The following PLEKHA5 variants were observed in gnomAD, a reference collection of about 807,000 sequenced individuals.
PLEKHA5 encodes pleckstrin homology domain containing A5.
A neutral mutation model predicts 181.9 loss-of-function variants in PLEKHA5; 55 were observed. The observed-to-expected ratio is 0.30, with a 90% CI of 0.24 to 0.38. The LOEUF (loss-of-function observed/expected upper bound fraction) is 0.38, where lower values mean the gene tolerates loss of function less well. Among genes scored for constraint, PLEKHA5 ranks in the 10% least tolerant of loss-of-function variants. The probability of loss-of-function intolerance (pLI) is 1.00; values close to 1 mark genes in which losing one functional copy is unlikely to be tolerated. For missense variants in PLEKHA5, 1,432 were observed against 1,549.5 expected, an observed-to-expected ratio of 0.92 and a Z score of 1.27; for synonymous variants, 535 against 529.4, an observed-to-expected ratio of 1.01 and a Z score of -0.15.
chr12:19,180,993 C>G (rs1245766203), intron 3 of PLEKHA5, among the ~76,000 whole-genome samples: 1 of 147,706 alleles, frequency 6.8e-6, no homozygotes, highest in Non-Finnish European at 1.5e-5. Flanking sequence ...AACCACCATT[C>G]TAAAGTTTTA....
intron 3 of PLEKHA5, among the ~76,000 whole-genome samples, chr12:19,197,815 C>CA (rs2053295516): frequency 7.4e-6 from 1 of 134,738 alleles, no homozygotes; most frequent in Non-Finnish European, 1.7e-5. Flanking sequence ...CCTCTTTCCT[C>CA]ATCTCCACAT....
intron 3 of PLEKHA5, among the ~76,000 whole-genome samples, chr12:19,187,445 T>C (rs1350619515): frequency 2.0e-5 from 3 of 152,166 alleles, no homozygotes; most frequent in African/African-American, 7.2e-5. Flanking sequence ...ACAGTTAAGA[T>C]GCAGGCTTGT....
At chr12:19,332,746 C>G (rs1461195501) in intron 20 of PLEKHA5, among the ~76,000 whole-genome samples, 1 of 152,210 alleles carries the variant, frequency 6.6e-6, no homozygotes, top group Non-Finnish European at 1.5e-5. Context: ...TCACTGCAAC[C>G]TGCACCTCGC....
At chr12:19,281,961 T>C (rs775310232) in intron 11 of PLEKHA5, among the ~76,000 whole-genome samples, 2 of 152,088 alleles carry the variant, frequency 1.3e-5, no homozygotes, top group Non-Finnish European at 2.9e-5. Context: ...TTTTTGTATT[T>C]TTCGAAGAGA....
intron 3 of PLEKHA5, among the ~76,000 whole-genome samples, chr12:19,194,941 T>C (rs970554919): frequency 1.3e-5 from 2 of 152,242 alleles, no homozygotes; most frequent in Non-Finnish European, 2.9e-5. Context: ...TAGGTAAAGC[T>C]GTTTTCTTTA....
chr12:19,341,012 C>T (rs1014168545), intron 21 of PLEKHA5, among the ~76,000 whole-genome samples: 9 of 151,786 alleles, frequency 5.9e-5, no homozygotes, highest in African/African-American at 2.2e-4. Context: ...TGGCGTATGC[C>T]TGTAATCCCA....
intron 15 of PLEKHA5, among the ~76,000 whole-genome samples, chr12:19,295,377 G>C (rs2079499913): frequency 6.6e-6 from 1 of 152,144 alleles, no homozygotes; most frequent in Non-Finnish European, 1.5e-5. Flanking sequence ...AATAGGGATG[G>C]AGGGAAGCCA....
chr12:19,286,316 A>G (rs1034869140), intron 12 of PLEKHA5, among the ~76,000 whole-genome samples: 11 of 152,378 alleles, frequency 7.2e-5, no homozygotes, highest in Admixed American at 4.6e-4. Flanking sequence ...CAGAGTATCA[A>G]AAGTTCATTG....
At chr12:19,188,048 C>T (rs909726666) in intron 3 of PLEKHA5, among the ~76,000 whole-genome samples, 1 of 151,976 alleles carries the variant, frequency 6.6e-6, no homozygotes, top group East Asian at 1.9e-4. Context: ...TGGTCTGCCA[C>T]CTGTCAGAAC....
At chr12:19,328,014 G>T (rs908529142) in intron 20 of PLEKHA5, among the ~76,000 whole-genome samples, 2 of 152,156 alleles carry the variant, frequency 1.3e-5, no homozygotes, top group Non-Finnish European at 2.9e-5. Context: ...TTTGTATATG[G>T]TGAAAGTAAC....
At chr12:19,326,202 C>A (rs1157917020) in intron 20 of PLEKHA5, among the ~76,000 whole-genome samples, 16 of 152,010 alleles carry the variant, frequency 1.1e-4, no homozygotes, top group Admixed American at 9.8e-4. Context: ...AGTCTTATTG[C>A]ATAGAATACA....
intron 20 of PLEKHA5, among the ~76,000 whole-genome samples, chr12:19,335,627 G>A (rs1452109555): frequency 7.5e-6 from 1 of 132,848 alleles, no homozygotes; most frequent in Non-Finnish European, 1.6e-5. Flanking sequence ...GACAGGGTTT[G>A]GTTACGTTGG....
At chr12:19,303,611 A>G (rs2082226654) in intron 15 of PLEKHA5, 1 of 152,166 alleles carries the variant, frequency 6.6e-6, no homozygotes, top group East Asian at 2.0e-4. Context: ...TTCAGCATCA[A>G]TATGGCAACC....
intron 3 of PLEKHA5, among the ~76,000 whole-genome samples, chr12:19,244,658 T>G (rs1168240533): frequency 6.6e-6 from 1 of 152,194 alleles, no homozygotes; most frequent in East Asian, 1.9e-4. Context: ...TCAGAGCAAA[T>G]CATATAAATG....
intron 3 of PLEKHA5, among the ~76,000 whole-genome samples, chr12:19,245,859 A>C (rs917445957): frequency 1.3e-5 from 2 of 152,118 alleles, no homozygotes; most frequent in African/African-American, 4.8e-5. Context: ...AACCCAATAA[A>C]GATGGCAGTG....
intron 3 of PLEKHA5, among the ~76,000 whole-genome samples, chr12:19,248,127 G>T (rs2064260841): frequency 6.6e-6 from 1 of 152,088 alleles, no homozygotes; most frequent in Non-Finnish European, 1.5e-5. Context: ...AGAGGCTGAG[G>T]TAAGAGGACT....
In PLEKHA5 at chr12:19,347,083, T is replaced by G. The variant is rs1382225874; in HGVS notation, c.2799T>G (p.Asp933Glu). The G allele has an allele frequency of 1.3e-6, 2 of 1,551,236 alleles. No individual in the cohort carries two copies. Among genetic ancestry groups the G allele is most frequent in the Admixed American group, 3.9e-5 (2 of 50,984 alleles). The change falls in exon 24 of 32, where the codon GAT becomes GAG. Residue 933 changes from aspartate to glutamate, a missense_variant. Coordinates refer to ENST00000429027, the MANE Select transcript of PLEKHA5 (RefSeq NM_001256470.2). The part of the protein sequence containing the change: ...QPPIIPPLPS[D>E]SSSLLCYSRG... ...CCATAATCCCCCCTCTGCCCAGTGA[T>G]AGCAGCTCCTTGCTCTGTTATAGCA...
chr12:19,227,021 T>A (rs2059786991), intron 3 of PLEKHA5, among the ~76,000 whole-genome samples: 2 of 152,162 alleles, frequency 1.3e-5, no homozygotes, highest in South Asian at 4.1e-4. Flanking sequence ...AGTTCCCAGT[T>A]CCATACCTCT....
At chr12:19,190,451 C>T (rs1395752114) in intron 3 of PLEKHA5, among the ~76,000 whole-genome samples, 1 of 152,212 alleles carries the variant, frequency 6.6e-6, no homozygotes, top group Non-Finnish European at 1.5e-5. Flanking sequence ...TAACTGATTG[C>T]ATTCAAGATG....
Sources: gnomAD v4.1 joint callset for allele counts (sites outside exome capture counted in the v4.1 genomes callset) on GRCh38, gnomAD v4.1.1 for gene constraint, MANE v1.5 for transcripts, NCBI Gene and HGNC (gene_info 2026-07-23, HGNC 2026-07-21) for gene names.